The following MAPK10 variants were observed in gnomAD, a reference collection of about 807,000 sequenced individuals.
MAPK10 encodes the protein JNK3 alpha protein kinase.
A neutral mutation model predicts 59.3 loss-of-function variants in MAPK10; 25 were observed. The ratio of observed to expected loss-of-function variants is 0.42; its 90% CI spans 0.31 to 0.59. MAPK10 has a LOEUF of 0.59. Among genes scored for constraint, MAPK10 ranks in the 20% least tolerant of loss-of-function variants. The pLI, the probability that MAPK10 is intolerant of heterozygous loss-of-function variation, is 0.15. For synonymous variants in MAPK10, 190 were observed against 200.5 expected, an observed-to-expected ratio of 0.95 and a Z score of 0.44; for missense variants, 351 against 568.9, an observed-to-expected ratio of 0.62 and a Z score of 3.90.
intron 2 of MAPK10, among the ~76,000 whole-genome samples, chr4:86,275,752 T>C (rs1390878284): frequency 6.6e-6 from 1 of 152,008 alleles, no homozygotes; most frequent in African/African-American, 2.4e-5. Context: ...AGTGTAAAAA[T>C]ATATCCATTT....
intron 2 of MAPK10, among the ~76,000 whole-genome samples, chr4:86,284,686 C>T (rs759323135): frequency 2.0e-5 from 3 of 152,164 alleles, no homozygotes; most frequent in Admixed American, 6.5e-5. Context: ...AATGATGATG[C>T]TAATGATTGT....
At chr4:86,397,187 T>C (rs952123966) in intron 1 of MAPK10, among the ~76,000 whole-genome samples, 1 of 152,236 alleles carries the variant, frequency 6.6e-6, no homozygotes, top group Non-Finnish European at 1.5e-5. Flanking sequence ...AAAATATTTA[T>C]TGATTCCTCA....
At chr4:86,069,161 G>T (rs1272624443) in intron 9 of MAPK10, among the ~76,000 whole-genome samples, 1 of 152,050 alleles carries the variant, frequency 6.6e-6, no homozygotes, top group African/African-American at 2.4e-5. Flanking sequence ...CCTGATTAAA[G>T]ATAAACTTAA....
At chr4:86,316,447 T>C (rs1402850701) in intron 2 of MAPK10, among the ~76,000 whole-genome samples, 3 of 152,150 alleles carry the variant, frequency 2.0e-5, no homozygotes, top group African/African-American at 7.2e-5. Context: ...GTACAAATTA[T>C]CCTTTCCAGG....
intron 2 of MAPK10, among the ~76,000 whole-genome samples, chr4:86,203,765 A>G (rs2083183561): frequency 6.6e-6 from 1 of 151,000 alleles, no homozygotes; most frequent in African/African-American, 2.4e-5. Flanking sequence ...TGTCTCTTCC[A>G]TGTTCAAAAG....
At chr4:86,188,530 C>T (rs1254032214) in intron 3 of MAPK10, among the ~76,000 whole-genome samples, 3 of 152,138 alleles carry the variant, frequency 2.0e-5, no homozygotes, top group Non-Finnish European at 4.4e-5. Flanking sequence ...TGTTTGTTGT[C>T]TGCATAAATG....
At chr4:86,022,473 T>C (rs898403979) in intron 13 of MAPK10, among the ~76,000 whole-genome samples, 1 of 152,146 alleles carries the variant, frequency 6.6e-6, no homozygotes, top group African/African-American at 2.4e-5. Context: ...TGTAAGCTCT[T>C]TAGCTCTTTC....
intron 2 of MAPK10, chr4:86,308,764 GAAAGA>G (rs1486309488): frequency 6.6e-6 from 1 of 152,114 alleles, no homozygotes; most frequent in Admixed American, 6.6e-5. Context: ...CCTGGGATTT[GAAAGA>G]AAGCATACCA....
intron 4 of MAPK10, among the ~76,000 whole-genome samples, chr4:86,139,640 A>G (rs1017106225): frequency 6.6e-6 from 1 of 152,208 alleles, no homozygotes; most frequent in Admixed American, 6.5e-5. Context: ...TTTCATGTCT[A>G]AAACATCAAA....
chr4:86,502,868 A>G (rs1755431661), intron 1 of MAPK10, among the ~76,000 whole-genome samples: 1 of 152,098 alleles, frequency 6.6e-6, no homozygotes, highest in Non-Finnish European at 1.5e-5. Flanking sequence ...CCTCAAACTC[A>G]GCACATAAAC....
chr4:86,411,931 A>G (rs34125064), intron 1 of MAPK10, among the ~76,000 whole-genome samples: 12,911 of 152,140 alleles, frequency 0.085, 709 homozygotes, highest in Admixed American at 0.13. Flanking sequence ...TTTGAATTTG[A>G]TCCTGTCATT....
At chr4:86,425,021 C>T (rs1468596008) in intron 1 of MAPK10, among the ~76,000 whole-genome samples, 1 of 151,986 alleles carries the variant, frequency 6.6e-6, no homozygotes, top group Non-Finnish European at 1.5e-5. Context: ...ATGTCAAGGA[C>T]CAAATTCCGT....
intron 13 of MAPK10, chr4:86,028,343 G>A (rs769657114): frequency 9.2e-5 from 14 of 152,086 alleles, no homozygotes; most frequent in Non-Finnish European, 1.0e-4. Context: ...TGTCATAACC[G>A]AATTGCATCT....
chr4:86,505,859 T>C (rs1020989345), intron 1 of MAPK10, among the ~76,000 whole-genome samples: 1 of 152,106 alleles, frequency 6.6e-6, no homozygotes, highest in African/African-American at 2.4e-5. Context: ...TGCGTCAATA[T>C]CTATAAATTA....
chr4:86,517,269 CTTTTT>C (rs1176457005), intron 1 of MAPK10, among the ~76,000 whole-genome samples: 3 of 84,264 alleles, frequency 3.6e-5, no homozygotes, highest in Admixed American at 1.7e-4. Context: ...GGTGTATTAT[CTTTTT>C]TTTTTTTTTT....
chr4:86,227,083 C>A (rs1179020564), intron 2 of MAPK10, among the ~76,000 whole-genome samples: 1 of 152,008 alleles, frequency 6.6e-6, no homozygotes, highest in Non-Finnish European at 1.5e-5. Context: ...AACACAGAGC[C>A]CTTGATGAAT....
chr4:86,542,300 C>T (rs1388385231), intron 1 of MAPK10, among the ~76,000 whole-genome samples: 1 of 152,114 alleles, frequency 6.6e-6, no homozygotes. Flanking sequence ...GAATACTAGG[C>T]CAGGAGTTCA....
At chr4:86,533,459 T>A (rs538314383) in intron 1 of MAPK10, among the ~76,000 whole-genome samples, 2 of 152,182 alleles carry the variant, frequency 1.3e-5, no homozygotes, top group African/African-American at 4.8e-5. Context: ...AAATGAATTG[T>A]TCAAAAAAGT....
At chr4:86,334,490 G>T (rs2148921530) in intron 2 of MAPK10, among the ~76,000 whole-genome samples, 1 of 152,062 alleles carries the variant, frequency 6.6e-6, no homozygotes, top group South Asian at 2.1e-4. Flanking sequence ...AACTAATATG[G>T]CCCACAGAGC....
Sources: allele counts gnomAD v4.1 joint callset (sites outside exome capture counted in the v4.1 genomes callset), GRCh38; gene constraint gnomAD v4.1.1; transcripts MANE v1.5; gene names NCBI Gene and HGNC (gene_info 2026-07-23, HGNC 2026-07-21).